BBC3: variants seen among roughly 807,000 people sequenced by gnomAD.
BBC3 encodes bcl-2-binding component 3.
BBC3 carries 5 observed loss-of-function variants against 18.2 expected under a neutral mutation model. That is an observed-to-expected ratio of 0.27 (90% confidence interval 0.14 to 0.58). The LOEUF (loss-of-function observed/expected upper bound fraction) is 0.58. BBC3 is among the 20% of genes least tolerant of loss of function. BBC3 has a pLI of 0.91. For synonymous variants in BBC3, 119 were observed against 128.0 expected, an observed-to-expected ratio of 0.93 and a Z score of 0.47; for missense variants, 224 against 268.9, an observed-to-expected ratio of 0.83 and a Z score of 1.17.
At chr19:47,226,491 T>G (rs1215769778) in intron 3 of BBC3, 73 bp downstream of exon 3, 1 of 1,282,124 alleles carries the variant, frequency 7.8e-7, no homozygotes, top group African/African-American at 1.7e-5. Flanking sequence ...GCCGCACATC[T>G]GGCGGGGGCC....
rs1384026235 is a variant in BBC3, at chr19:47,228,561, G to A, written c.-15-115C>T. On this transcript the variant is annotated intron_variant, in intron 1 of 3. Coordinates refer to ENST00000439096, the MANE Select transcript of BBC3 (RefSeq NM_014417.5). The surrounding 1 kb of genome is among the most constrained non-coding windows in gnomAD (Gnocchi z 5.5). ...GAAGAGTGGAGGTGTGTGTGCATGCGGAGGGGGTGACGGCCCCACAGAGAC... is the reference window on the plus strand; with the variant it reads ...GAAGAGTGGAGGTGTGTGTGCATGCAGAGGGGGTGACGGCCCCACAGAGAC... 4.7e-6 allele frequency: 5 copies of A among 1,054,278 alleles called. No homozygotes were observed. Among genetic ancestry groups the A allele is most frequent in the African/African-American group, 3.3e-5 (2 of 60,568 alleles). 65.3% of individuals were successfully genotyped at this position (1,054,278 alleles called of 1,614,324 possible).
upstream of BBC3, chr19:47,232,485 G>C (rs927119053): frequency 6.5e-7 from 1 of 1,533,502 alleles, no homozygotes; most frequent in Non-Finnish European, 8.8e-7. Context: ...CTGCACACAC[G>C]TCGGAGCATG....
At position 47,230,402 on chromosome 19, in the gene BBC3, C is replaced by A. The variant is rs868720621; in HGVS notation, c.-16+527G>T. ...AGACACCCCCCTCCGCTGTCACAGC[C>A]CCCCCCACCGCCGCCACGTGCGCCC... On this transcript the variant is annotated intron_variant, in intron 1 of 3. Transcript: ENST00000439096. The surrounding 1 kb of genome is among the most constrained non-coding windows in gnomAD (Gnocchi z 6.7). 4.0e-5 allele frequency among the ~76,000 whole-genome samples: 6 copies of A among 151,408 alleles called. No individual in the cohort carries two copies. Among genetic ancestry groups the A allele is most frequent in the East Asian group, 1.9e-4 (1 of 5,140 alleles).
intron 3 of BBC3, among the ~76,000 whole-genome samples, chr19:47,226,190 C>A (rs1050712912): frequency 2.0e-5 from 3 of 151,612 alleles, no homozygotes; most frequent in African/African-American, 7.3e-5. Context: ...AGAGGGACGG[C>A]AGGGGGCGGG....
At chr19:47,224,619 G>A (rs2123365718) in intron 3 of BBC3, among the ~76,000 whole-genome samples, 1 of 151,996 alleles carries the variant, frequency 6.6e-6, no homozygotes, top group South Asian at 2.1e-4. Context: ...GTGAGACCCT[G>A]TCTCTAAACA....
At chr19:47,222,914 C>T (rs925058269) in intron 3 of BBC3, among the ~76,000 whole-genome samples, 2 of 137,514 alleles carry the variant, frequency 1.5e-5, no homozygotes, top group Admixed American at 8.2e-5. Flanking sequence ...TGCGGTGAGC[C>T]GAGATCGTGC....
intron 3 of BBC3, among the ~76,000 whole-genome samples, chr19:47,225,317 G>A (rs530213633): frequency 4.1e-4 from 62 of 152,206 alleles, no homozygotes; most frequent in African/African-American, 1.4e-3. Context: ...CAAAGGGCTG[G>A]GATTACAGGC....
chr19:47,228,577 C>G lies in BBC3; in HGVS notation c.-15-131G>C. 1 of 933,986 alleles carries G rather than the reference C, an allele frequency of 1.1e-6. No homozygotes were observed. Among genetic ancestry groups the G allele is most frequent in the Non-Finnish European group, 1.4e-6 (1 of 718,494 alleles). 57.9% of individuals were successfully genotyped at this position (933,986 alleles called of 1,614,324 possible). ...TGTGCATGCGGAGGGGGTGACGGCC[C>G]CACAGAGACACGCCCAGCCGGGGGA... On this transcript the variant is annotated intron_variant, in intron 1 of 3. Coordinates refer to ENST00000439096, the MANE Select transcript of BBC3 (RefSeq NM_014417.5). This position sits in a 1 kb window ranked among gnomAD's most constrained non-coding sequence, Gnocchi z 5.5.
At position 47,231,018 on chromosome 19, in the gene BBC3, G is replaced by A; in HGVS notation, c.-105C>T. The A allele has an allele frequency of 1.0e-6, 1 of 985,870 alleles. No homozygotes were observed. The highest frequency in any genetic ancestry group is 1.2e-6 in the Non-Finnish European group (1 of 829,616). The allele number at this position is 985,870 out of a possible 1,614,324, so 61.1% of individuals were successfully genotyped here. Reference sequence around the variant, plus strand: ...GCGCCCGCCGAGCGCCGCTCTCCGCGGCGGCTGCTGCTGTGGCTGTCGCTG... The same window carrying A: ...GCGCCCGCCGAGCGCCGCTCTCCGCAGCGGCTGCTGCTGTGGCTGTCGCTG... On this transcript the variant is annotated 5_prime_UTR_variant, in exon 1 of 4. Transcript: ENST00000439096. This position sits in a 1 kb window ranked among gnomAD's most constrained non-coding sequence, Gnocchi z 4.0.
intron 3 of BBC3, among the ~76,000 whole-genome samples, chr19:47,223,297 T>C (rs868464900): frequency 7.1e-6 from 1 of 141,086 alleles, no homozygotes; most frequent in Non-Finnish European, 1.5e-5. Context: ...CTGGGCAAGG[T>C]GGCTCACGCC....
chr19:47,226,664 G>A lies in BBC3; in HGVS notation c.365C>T (p.Ala122Val), dbSNP rs775810895. 4 of 1,522,796 alleles carry A rather than the reference G, an allele frequency of 2.6e-6. No individual in the cohort carries two copies. Among genetic ancestry groups the A allele is most frequent in the Admixed American group, 2.1e-5 (1 of 48,456 alleles). 94.3% of individuals were successfully genotyped at this position (1,522,796 alleles called of 1,614,324 possible). The part of the protein sequence containing the change: ...PGALAGGPTQ[A>V]APGVRGEEEQ... ...CTCCTCCCCGCGGACTCCCGGGGCC[G>A]CCTGGGTGGGACCGCCCGCCAGAGC... The change falls in exon 3 of 4, where the codon GCG becomes GTG. Residue 122 changes from alanine to valine, a missense_variant. Coordinates refer to ENST00000439096, the MANE Select transcript of BBC3 (RefSeq NM_014417.5).
chr19:47,231,312 C>A (rs1299978235), upstream of BBC3: 9 of 639,276 alleles, frequency 1.4e-5, no homozygotes, highest in Non-Finnish European at 1.8e-5. The surrounding 1 kb of genome is among the most constrained non-coding windows in gnomAD (Gnocchi z 4.0). Context: ...GCCCCGCCCG[C>A]CCGCCGCGGA....
chr19:47,232,541 G>A (rs1220128304), upstream of BBC3: 6 of 1,548,696 alleles, frequency 3.9e-6, no homozygotes, highest in East Asian at 2.5e-5. Flanking sequence ...GACCCACGTC[G>A]TGGAAGCAGC....
chr19:47,232,660 C>T (rs1442490892), upstream of BBC3: 5 of 1,464,026 alleles, frequency 3.4e-6, no homozygotes, highest in African/African-American at 5.6e-5. Flanking sequence ...TACTTCCTGC[C>T]CTGCTCTGGT....
rs1053488262 is a variant in BBC3 at position 47,228,847 on chromosome 19, G to C, written c.-15-401C>G. 1.3e-5 allele frequency among the ~76,000 whole-genome samples: 2 copies of C among 152,012 alleles called. No homozygotes were observed. Among genetic ancestry groups the C allele is most frequent in the African/African-American group, 4.8e-5 (2 of 41,350 alleles). ...TCCCAACACAGCGACGGGCACACAG[G>C]GAGGGCAGTGAGGCACAGCGAGGCC... is the stretch of plus-strand genomic sequence containing the variant. On this transcript the variant is annotated intron_variant, in intron 1 of 3. Coordinates refer to ENST00000439096, the MANE Select transcript of BBC3 (RefSeq NM_014417.5). The surrounding 1 kb of genome is among the most constrained non-coding windows in gnomAD (Gnocchi z 5.5).
Position 47,228,609 on chromosome 19 carries a change from C to A in BBC3, c.-15-163G>T, listed in dbSNP as rs2058870083. On this transcript the variant is annotated intron_variant, in intron 1 of 3. Transcript: ENST00000439096. The surrounding 1 kb of genome is among the most constrained non-coding windows in gnomAD (Gnocchi z 5.5). Reference sequence around the variant, plus strand: ...GACACGCCCAGCCGGGGGATGACACCACCGGGTCCTGGCTGGCCTGGAGAG... The same window carrying A: ...GACACGCCCAGCCGGGGGATGACACAACCGGGTCCTGGCTGGCCTGGAGAG... Among the ~76,000 whole-genome samples, 1 of 152,008 alleles carries A rather than the reference C, an allele frequency of 6.6e-6. No homozygotes were observed. Among genetic ancestry groups the A allele is most frequent in the African/African-American group, 2.4e-5 (1 of 41,362 alleles).
rs534933058 is a variant in BBC3, at chr19:47,228,163, G to A, written c.269C>T (p.Pro90Leu). Residue 90 changes from proline (P) to leucine (L), a missense_variant, in exon 2 of 4, where the codon CCG (proline) becomes CTG (leucine). By Grantham distance (98) the Pro-to-Leu change is moderately conservative (BLOSUM62 -3). Transcript: ENST00000439096. The surrounding 1 kb of genome is among the most constrained non-coding windows in gnomAD (Gnocchi z 5.5). ...GPRSRPRGPR[P>L]DGPQPSLSLA... Reference sequence around the variant, plus strand: ...GGGGCGGGGCGGGCACTCACCGTCCGGGCGCGGGCCTCGGGGCCGGCTGCG... The same window carrying A: ...GGGGCGGGGCGGGCACTCACCGTCCAGGCGCGGGCCTCGGGGCCGGCTGCG... 13 of 1,226,568 alleles carry A rather than the reference G, an allele frequency of 1.1e-5. No individual in the cohort carries two copies. Among genetic ancestry groups the A allele is most frequent in the Non-Finnish European group, 1.1e-5 (11 of 984,234 alleles). The allele number at this position is 1,226,568 out of a possible 1,614,324, so 76.0% of individuals were successfully genotyped here. A position where few individuals can be genotyped will look rare whatever the true frequency, so the allele number is the denominator to read the frequency against.
intron 3 of BBC3, among the ~76,000 whole-genome samples, chr19:47,226,293 C>G (rs2058818933): frequency 6.6e-6 from 1 of 151,834 alleles, no homozygotes; most frequent in African/African-American, 2.4e-5. Flanking sequence ...GGCCGCGGGC[C>G]ACGGGCGCGC....
intron 1 of BBC3, among the ~76,000 whole-genome samples, chr19:47,229,201 C>A (rs1278831787): frequency 6.6e-6 from 1 of 151,762 alleles, no homozygotes; most frequent in African/African-American, 2.4e-5. Flanking sequence ...AAGCTAGGCA[C>A]TGCCTCAGTT....
Sources: allele counts gnomAD v4.1 joint callset (sites outside exome capture counted in the v4.1 genomes callset), GRCh38; gene constraint gnomAD v4.1.1; non-coding constraint Gnocchi (gnomAD v3.1); transcripts MANE v1.5; gene names NCBI Gene and HGNC (gene_info 2026-07-23, HGNC 2026-07-21).